The following MPDZ variants were observed in gnomAD, a reference collection of about 807,000 sequenced individuals.
The protein encoded by MPDZ is multiple PDZ domain protein.
In MPDZ, 234 loss-of-function variants were observed where a neutral mutation model predicts 239.1. The observed-to-expected ratio is 0.98, with a 90% CI of 0.88 to 1.09. The LOEUF is 1.09. MPDZ is among the 50% of genes least tolerant of loss of function. The probability of loss-of-function intolerance (pLI) is 0.00; values close to 1 mark genes in which losing one functional copy is unlikely to be tolerated. For synonymous variants in MPDZ, 1,048 were observed against 881.3 expected (o/e 1.19, Z -3.35); for missense variants, 3,175 against 2,510.0 (o/e 1.26, Z -5.66).
chr9:13,122,497 T>C (rs1026808646), intron 36 of MPDZ, among the ~76,000 whole-genome samples: 32 of 151,912 alleles, frequency 2.1e-4, no homozygotes, highest in Admixed American at 1.3e-3. Flanking sequence ...GAAGACTTTG[T>C]CTACAAAGTA....
At chr9:13,155,690 A>C (rs1265454554) in intron 24 of MPDZ, among the ~76,000 whole-genome samples, 1 of 152,202 alleles carries the variant, frequency 6.6e-6, no homozygotes, top group African/African-American at 2.4e-5. Flanking sequence ...TTTCATACAA[A>C]GTACATTTTT....
intron 1 of MPDZ, among the ~76,000 whole-genome samples, chr9:13,261,054 T>C (rs1054115475): frequency 6.6e-6 from 1 of 152,178 alleles, no homozygotes; most frequent in Non-Finnish European, 1.5e-5. Flanking sequence ...AAAACATGAA[T>C]GGACTACAGT....
At chr9:13,109,186 A>C (rs2131010423) in intron 45 of MPDZ, 127 bp from the exon 46 acceptor site, 1 of 799,596 alleles carries the variant, frequency 1.3e-6, no homozygotes, top group African/African-American at 1.8e-5. Context: ...GGAGTATATT[A>C]CGGGTATTTT....
chr9:13,179,779 T>G (rs1953032739), intron 19 of MPDZ, among the ~76,000 whole-genome samples: 1 of 152,164 alleles, frequency 6.6e-6, no homozygotes, highest in African/African-American at 2.4e-5. Context: ...AAAGTTCTAT[T>G]TCTTAAGCGC....
At chr9:13,273,054 G>C (rs1004767573) in intron 1 of MPDZ, among the ~76,000 whole-genome samples, 1 of 152,106 alleles carries the variant, frequency 6.6e-6, no homozygotes, top group African/African-American at 2.4e-5. Context: ...CCAGAGAGCA[G>C]CCTTGCCCCT....
At chr9:13,215,716 C>G (rs1189487212) in intron 10 of MPDZ, among the ~76,000 whole-genome samples, 3 of 143,016 alleles carry the variant, frequency 2.1e-5, no homozygotes, top group African/African-American at 7.7e-5. Flanking sequence ...TTAGTAAACA[C>G]TAAGGTAAAA....
At chr9:13,224,668 A>T in intron 3 of MPDZ, 85 bp from the exon 4 acceptor site, 2 of 918,394 alleles carry the variant, frequency 2.2e-6, no homozygotes, top group South Asian at 2.0e-5. Flanking sequence ...AAGGACATAC[A>T]AATGAAATTT....
At chr9:13,254,767 C>T (rs567816711) in intron 1 of MPDZ, among the ~76,000 whole-genome samples, 2 of 152,204 alleles carry the variant, frequency 1.3e-5, no homozygotes, top group East Asian at 1.9e-4. Flanking sequence ...AATCTATACA[C>T]CTTTATTAAA....
At chr9:13,147,797 G>A (rs1217522372) in intron 25 of MPDZ, 139 bp from the exon 26 acceptor site, 1 of 623,790 alleles carries the variant, frequency 1.6e-6, no homozygotes, top group Non-Finnish European at 2.8e-6. Flanking sequence ...GACTACATGT[G>A]AAGCTGCAGA....
At chr9:13,278,308 C>A (rs1205966236) in intron 1 of MPDZ, among the ~76,000 whole-genome samples, 1 of 152,152 alleles carries the variant, frequency 6.6e-6, no homozygotes. Flanking sequence ...AGTCAGTGCC[C>A]ATTGCCGGGG....
chr9:13,183,801 T>C (rs1219194437), intron 18 of MPDZ, among the ~76,000 whole-genome samples: 3 of 152,028 alleles, frequency 2.0e-5, no homozygotes, highest in Non-Finnish European at 4.4e-5. Context: ...GGTTATTTTA[T>C]TTCATCAATA....
intron 19 of MPDZ, among the ~76,000 whole-genome samples, chr9:13,182,081 G>C (rs1953415613): frequency 1.3e-5 from 2 of 152,094 alleles, no homozygotes; most frequent in Admixed American, 6.6e-5. Context: ...CTTTGAAAAT[G>C]TTCTGGCCAA....
intron 1 of MPDZ, among the ~76,000 whole-genome samples, chr9:13,252,668 G>C (rs1968401526): frequency 6.6e-6 from 1 of 151,904 alleles, no homozygotes; most frequent in African/African-American, 2.4e-5. Flanking sequence ...GGCCAACATG[G>C]TGATACCCCA....
intron 3 of MPDZ, among the ~76,000 whole-genome samples, chr9:13,241,400 G>T (rs551220997): frequency 6.6e-6 from 1 of 152,232 alleles, no homozygotes; most frequent in East Asian, 1.9e-4. Flanking sequence ...AATAATTCTT[G>T]TTAATGAAAT....
intron 41 of MPDZ, among the ~76,000 whole-genome samples, chr9:13,113,524 A>G (rs965031934): frequency 5.9e-5 from 9 of 152,220 alleles, no homozygotes; most frequent in Non-Finnish European, 1.0e-4. Context: ...CCTCTGCAGC[A>G]TGATTTCACG....
intron 26 of MPDZ, 70 bp downstream of exon 26, chr9:13,147,478 C>T (rs972965914): frequency 1.9e-5 from 22 of 1,151,064 alleles, no homozygotes; most frequent in Middle Eastern, 3.9e-4. Context: ...GACAACTTGG[C>T]CCTTGATACA....
intron 30 of MPDZ, 143 bp from the exon 31 acceptor site, chr9:13,136,325 CTT>C (rs869272418): frequency 0.042 from 6,429 of 154,298 alleles, no homozygotes; most frequent in South Asian, 0.062. Context: ...CAAACGTTTT[CTT>C]TTTTTTTTTT....
At chr9:13,272,547 G>C (rs1973219184) in intron 1 of MPDZ, among the ~76,000 whole-genome samples, 2 of 151,796 alleles carry the variant, frequency 1.3e-5, no homozygotes, top group African/African-American at 4.8e-5. Flanking sequence ...ATATCGATGA[G>C]GCCCCTGTAA....
At chr9:13,146,649 T>C (rs1948474469) in intron 26 of MPDZ, among the ~76,000 whole-genome samples, 1 of 151,952 alleles carries the variant, frequency 6.6e-6, no homozygotes, top group South Asian at 2.1e-4. Context: ...CTTCAGGACA[T>C]CTAGGAAATG....
Sources: gnomAD v4.1 joint callset for allele counts (sites outside exome capture counted in the v4.1 genomes callset) on GRCh38, gnomAD v4.1.1 for gene constraint, MANE v1.5 for transcripts, NCBI Gene and HGNC (gene_info 2026-07-23, HGNC 2026-07-21) for gene names.